The following ZNF438 variants were observed in gnomAD, a reference collection of about 807,000 sequenced individuals.
The protein encoded by ZNF438 is zinc finger protein 438.
In ZNF438, 25 loss-of-function variants were observed where a neutral mutation model predicts 38.0. That is an observed-to-expected ratio of 0.66 (90% CI 0.48 to 0.92). ZNF438 has a LOEUF of 0.92. Ranked by LOEUF, ZNF438 falls within the 40% of genes least tolerant of loss-of-function variation. ZNF438 has a pLI of 0.00. For missense variants in ZNF438, 1,007 were observed against 999.6 expected (o/e 1.01, Z -0.10); for synonymous variants, 372 against 364.1 (o/e 1.02, Z -0.25).
chr10:31,011,865 A>T (rs2055735924), intron 1 of ZNF438, among the ~76,000 whole-genome samples: 2 of 152,218 alleles, frequency 1.3e-5, no homozygotes. Flanking sequence ...ACGACCCTTG[A>T]ATAGAATCCT....
At chr10:30,952,317 T>A (rs1313832312) in intron 1 of ZNF438, among the ~76,000 whole-genome samples, 1 of 149,822 alleles carries the variant, frequency 6.7e-6, no homozygotes, top group Non-Finnish European at 1.5e-5. Context: ...AACCTAGGCA[T>A]TACCATTCAG....
intron 1 of ZNF438, among the ~76,000 whole-genome samples, chr10:31,004,545 A>AT (rs2132900322): frequency 6.6e-6 from 1 of 152,316 alleles, no homozygotes; most frequent in South Asian, 2.1e-4. Flanking sequence ...TTTGAGAAGA[A>AT]TGAAGGCAGT....
chr10:30,848,155 T>C (rs1394622975), intron 5 of ZNF438, among the ~76,000 whole-genome samples: 4 of 152,168 alleles, frequency 2.6e-5, no homozygotes, highest in East Asian at 3.9e-4. Context: ...CTGGGCACCT[T>C]AAGGTAGGGT....
intron 4 of ZNF438, among the ~76,000 whole-genome samples, chr10:30,871,075 C>T (rs756517451): frequency 6.6e-6 from 1 of 152,086 alleles, no homozygotes; most frequent in Non-Finnish European, 1.5e-5. Context: ...ATACCATGTT[C>T]GAAAGAGTGA....
chr10:31,027,553 T>A (rs1589776566), intron 1 of ZNF438, among the ~76,000 whole-genome samples: 2 of 152,192 alleles, frequency 1.3e-5, no homozygotes, highest in Non-Finnish European at 1.5e-5. Context: ...CTGCCCTCAC[T>A]GTGCCTGAAC....
intron 1 of ZNF438, among the ~76,000 whole-genome samples, chr10:30,995,187 T>C (rs896494553): frequency 6.6e-6 from 1 of 152,090 alleles, no homozygotes; most frequent in African/African-American, 2.4e-5. Context: ...TACAAAGAGA[T>C]ATACTTCCAG....
At chr10:30,912,156 A>C (rs1412096442) in intron 2 of ZNF438, among the ~76,000 whole-genome samples, 1 of 152,022 alleles carries the variant, frequency 6.6e-6, no homozygotes, top group East Asian at 1.9e-4. Context: ...TGCTTCAAAT[A>C]AACTTCTCTA....
At chr10:30,899,295 T>C (rs1472462191) in intron 3 of ZNF438, among the ~76,000 whole-genome samples, 1 of 152,192 alleles carries the variant, frequency 6.6e-6, no homozygotes, top group Non-Finnish European at 1.5e-5. Flanking sequence ...ATAAAGATTA[T>C]ATAACTAACC....
At chr10:30,881,411 G>T (rs923421762) in intron 3 of ZNF438, among the ~76,000 whole-genome samples, 1 of 151,952 alleles carries the variant, frequency 6.6e-6, no homozygotes, top group Non-Finnish European at 1.5e-5. Context: ...AATAATTAAG[G>T]ATAAGCCTGG....
intron 1 of ZNF438, among the ~76,000 whole-genome samples, chr10:30,990,862 C>T (rs1404581673): frequency 6.8e-6 from 1 of 146,046 alleles, no homozygotes; most frequent in Non-Finnish European, 1.5e-5. Flanking sequence ...GAAGATATAT[C>T]TTTTTTTTTT....
At chr10:30,856,344 G>A (rs1476940145) in intron 4 of ZNF438, among the ~76,000 whole-genome samples, 1 of 152,114 alleles carries the variant, frequency 6.6e-6, no homozygotes, top group Non-Finnish European at 1.5e-5. Context: ...TTGCAATAAA[G>A]GCCAGTTATG....
chr10:30,862,599 C>A (rs750756794), intron 4 of ZNF438, among the ~76,000 whole-genome samples: 2 of 152,186 alleles, frequency 1.3e-5, no homozygotes, highest in African/African-American at 2.4e-5. Context: ...GCCATTGCAC[C>A]CGGCCTACTT....
At chr10:30,916,340 A>T (rs1195187610) in intron 2 of ZNF438, among the ~76,000 whole-genome samples, 1 of 152,106 alleles carries the variant, frequency 6.6e-6, no homozygotes, top group Non-Finnish European at 1.5e-5. Context: ...TCAAGAAATT[A>T]AATGCTGAAT....
In ZNF438 at chr10:31,012,324, A is replaced by C. The variant is rs189987864; in HGVS notation, c.-192+19509T>G. Among the ~76,000 whole-genome samples the C allele has an allele frequency of 5.6e-3, 845 of 151,662 alleles. 12 individuals carry two copies. Among genetic ancestry groups the C allele is most frequent in the African/African-American group, 0.02 (812 of 41,340 alleles). On this transcript the variant is annotated intron_variant, in intron 1 of 5. Coordinates refer to ENST00000413025, the Ensembl canonical transcript of ZNF438. ...ATTTTTAGTAGAGATGGGGTTTCAC[A>C]GTGTTAGCCAGGATGGTCTCGATCT...
intron 2 of ZNF438, among the ~76,000 whole-genome samples, chr10:30,921,435 A>C (rs1289732986): frequency 6.6e-6 from 1 of 152,194 alleles, no homozygotes; most frequent in Non-Finnish European, 1.5e-5. Context: ...AAAGTCTTTT[A>C]AGTATGGCCT....
intron 1 of ZNF438, among the ~76,000 whole-genome samples, chr10:30,966,247 T>C (rs1387547597): frequency 1.3e-5 from 2 of 152,108 alleles, no homozygotes; most frequent in East Asian, 1.9e-4. Context: ...GGAGGAGCAC[T>C]TGAGCCCAGG....
chr10:30,845,312 C>G (rs1041395562), exon 6 of ZNF438: 1 of 1,614,104 alleles, frequency 6.2e-7, no homozygotes, highest in Non-Finnish European at 8.5e-7. Context: ...AGGAATGAAC[C>G]TTCTCCGGCT....
Position 30,972,952 on chromosome 10 carries a change from A to AATCATC in ZNF438, c.-191-31307_-191-31302dup, listed in dbSNP as rs750861405. On this transcript the variant is annotated intron_variant, in intron 1 of 5. Coordinates refer to ENST00000413025, the Ensembl canonical transcript of ZNF438. ...ATTTGTAGCTAGTAGAGGGCAATTC[A>AATCATC]ATCATCATCATCATCATCATCATCT... Among the ~76,000 whole-genome samples the AATCATC allele has an allele frequency of 4.6e-5, 7 of 152,104 alleles. No individual in the cohort carries two copies. The South Asian group carries it at 1.2e-3, about 27-fold the overall frequency.
At chr10:31,029,997 T>C (rs751687077) in intron 1 of ZNF438, among the ~76,000 whole-genome samples, 1 of 152,252 alleles carries the variant, frequency 6.6e-6, no homozygotes, top group Non-Finnish European at 1.5e-5. Context: ...TGGCAAATTC[T>C]TAACCTTTCT....
Sources: allele counts gnomAD v4.1 joint callset (sites outside exome capture counted in the v4.1 genomes callset), GRCh38; gene constraint gnomAD v4.1.1; transcripts MANE v1.5; gene names NCBI Gene and HGNC (gene_info 2026-07-23, HGNC 2026-07-21).